LHPP: variants seen among roughly 807,000 people sequenced by gnomAD.
LHPP encodes hLHPP.
In LHPP, 24 loss-of-function variants were observed where a neutral mutation model predicts 30.3. The ratio of observed to expected loss-of-function variants is 0.79; its 90% CI spans 0.57 to 1.11. The LOEUF (loss-of-function observed/expected upper bound fraction) is 1.11. Among genes scored for constraint, LHPP ranks in the 50% most tolerant of loss-of-function variants. The probability of loss-of-function intolerance (pLI) is 0.00; values close to 1 mark genes in which losing one functional copy is unlikely to be tolerated. For missense variants in LHPP, 356 were observed against 367.2 expected, an observed-to-expected ratio of 0.97 and a Z score of 0.25; for synonymous variants, 150 against 157.1, an observed-to-expected ratio of 0.95 and a Z score of 0.34.
intron 6 of LHPP, among the ~76,000 whole-genome samples, chr10:124,545,610 C>T (rs1955315701): frequency 6.6e-6 from 1 of 152,014 alleles, no homozygotes; most frequent in Non-Finnish European, 1.5e-5. Context: ...AAGGGCCGAG[C>T]TCCACGTGGG....
chr10:124,586,422 C>A (rs1948804372), intron 6 of LHPP, among the ~76,000 whole-genome samples: 1 of 152,208 alleles, frequency 6.6e-6, no homozygotes, highest in South Asian at 2.1e-4. Flanking sequence ...AACATGTGAT[C>A]CAGCATGGAC....
intron 6 of LHPP, among the ~76,000 whole-genome samples, chr10:124,537,582 G>A (rs952901405): frequency 1.3e-5 from 2 of 152,242 alleles, no homozygotes; most frequent in African/African-American, 4.8e-5. Context: ...AGTCCCACAA[G>A]ATGGTGTCTG....
At chr10:124,580,177 A>C (rs1002320213) in intron 6 of LHPP, among the ~76,000 whole-genome samples, 1 of 152,200 alleles carries the variant, frequency 6.6e-6, no homozygotes, top group Admixed American at 6.5e-5. Flanking sequence ...TGTCAGTTAT[A>C]TGTGGTGCAC....
intron 6 of LHPP, among the ~76,000 whole-genome samples, chr10:124,612,505 A>G (rs1949215375): frequency 6.6e-6 from 1 of 152,080 alleles, no homozygotes; most frequent in Non-Finnish European, 1.5e-5. Context: ...GTCTACCCGT[A>G]GCTCCTGCCT....
intron 1 of LHPP, among the ~76,000 whole-genome samples, chr10:124,462,981 C>T (rs1262323575): frequency 2.6e-5 from 4 of 152,198 alleles, no homozygotes; most frequent in African/African-American, 9.7e-5. Flanking sequence ...GATTCTCCTG[C>T]CTCAGCCTCC....
At chr10:124,544,101 C>G (rs1955271297) in intron 6 of LHPP, among the ~76,000 whole-genome samples, 1 of 152,220 alleles carries the variant, frequency 6.6e-6, no homozygotes, top group Admixed American at 6.5e-5. Flanking sequence ...CCTGCGAGGC[C>G]CCTCGGATGG....
At chr10:124,469,848 G>A (rs1332342590) in intron 1 of LHPP, among the ~76,000 whole-genome samples, 1 of 152,152 alleles carries the variant, frequency 6.6e-6, no homozygotes, top group African/African-American at 2.4e-5. Context: ...GTGAGGTGGG[G>A]AGCCCTGGGC....
intron 5 of LHPP, among the ~76,000 whole-genome samples, chr10:124,506,914 TGGGGGGTAGACAGGATTTCAGG>T (rs1954106457): frequency 1.9e-4 from 1 of 5,324 alleles, no homozygotes; most frequent in African/African-American, 9.1e-4. Context: ...GATTTCAGGT[TGGGGGGTAGACAGGATTTCAGG>T]TGGGGGGGTA....
chr10:124,485,098 C>T (rs1044591082), intron 2 of LHPP, among the ~76,000 whole-genome samples: 1 of 152,064 alleles, frequency 6.6e-6, no homozygotes, highest in Non-Finnish European at 1.5e-5. Context: ...AAGGTGGGGG[C>T]TCTCAAGAAG....
At chr10:124,550,761 T>C (rs921649666) in intron 6 of LHPP, among the ~76,000 whole-genome samples, 11 of 152,170 alleles carry the variant, frequency 7.2e-5, no homozygotes, top group Non-Finnish European at 1.3e-4. Context: ...GAATGCCAGC[T>C]GGGGGCAGGG....
intron 3 of LHPP, chr10:124,490,270 G>A (rs113411617): frequency 0.027 from 5,318 of 194,648 alleles, 296 homozygotes; most frequent in African/African-American, 0.12. Context: ...CCTTTAGGCC[G>A]CAGCCTGCCA....
rs1259990268 is a variant in LHPP at position 124,613,408 on chromosome 10, C to CCCG, written c.*50_*51insGCC. ...CTCCTCCACCCCTGCCTCTCCTCCA[C>CCCG]CCCTGCCTCCCCTCCACCCCTGCCT... On this transcript the variant is annotated 3_prime_UTR_variant, in exon 7 of 7. Coordinates refer to ENST00000368842, the MANE Select transcript of LHPP (RefSeq NM_022126.4). The CCCG allele has an allele frequency of 2.3e-6, 3 of 1,323,358 alleles. No individual in the cohort carries two copies. The South Asian group carries it at 3.6e-5, about 16-fold the overall frequency. The allele number at this position is 1,323,358 out of a possible 1,614,324, so 82.0% of individuals were successfully genotyped here. A position where few individuals can be genotyped will look rare whatever the true frequency, so the allele number is the denominator to read the frequency against.
intron 6 of LHPP, among the ~76,000 whole-genome samples, chr10:124,611,859 A>G (rs1405516783): frequency 3.3e-5 from 5 of 152,204 alleles, no homozygotes; most frequent in Non-Finnish European, 7.3e-5. Flanking sequence ...CAGCTTCCAA[A>G]GTGGGGGCGC....
intron 6 of LHPP, among the ~76,000 whole-genome samples, chr10:124,548,347 C>T (rs978932440): frequency 2.0e-4 from 31 of 152,302 alleles, no homozygotes; most frequent in Non-Finnish European, 2.9e-4. Flanking sequence ...TCTTTCTACC[C>T]GGAACCCCCT....
Position 124,506,380 on chromosome 10 carries a change from G to A in LHPP, c.624+8252G>A, listed in dbSNP as rs570541946. Among the ~76,000 whole-genome samples the A allele has an allele frequency of 4.6e-5, 7 of 150,936 alleles. No homozygotes were observed. In the South Asian group the frequency reaches 6.3e-4, roughly 14 times the overall value. On this transcript the variant is annotated intron_variant, in intron 5 of 6. Transcript: ENST00000368842. ...GGTGCTAAACAGCATCCCACTGTCC[G>A]CCCACTACATGGGACCACCCCCTTC...
At chr10:124,555,512 C>A (rs1251304251) in intron 6 of LHPP, among the ~76,000 whole-genome samples, 1 of 151,720 alleles carries the variant, frequency 6.6e-6, no homozygotes, top group Non-Finnish European at 1.5e-5. Flanking sequence ...CCCGTCTGAT[C>A]TCCCTGGACC....
At chr10:124,513,723 T>C (rs1954375896) in intron 5 of LHPP, among the ~76,000 whole-genome samples, 1 of 151,470 alleles carries the variant, frequency 6.6e-6, no homozygotes, top group Non-Finnish European at 1.5e-5. Context: ...CCCAAAGTGC[T>C]GGGATTATAG....
chr10:124,607,102 G>A (rs7911304), intron 6 of LHPP, among the ~76,000 whole-genome samples: 140,821 of 152,228 alleles, frequency 0.93, 65,327 homozygotes, highest in East Asian at 1. Context: ...GGGCCACTCC[G>A]GGCAGGATGG....
intron 6 of LHPP, among the ~76,000 whole-genome samples, chr10:124,607,693 G>A (rs977653232): frequency 1.1e-4 from 16 of 152,122 alleles, no homozygotes; most frequent in South Asian, 1.0e-3. Context: ...CCAGTCCCCC[G>A]GGGGCTCGGA....
Sources: gnomAD v4.1 joint callset for allele counts (sites outside exome capture counted in the v4.1 genomes callset) on GRCh38, gnomAD v4.1.1 for gene constraint, MANE v1.5 for transcripts, NCBI Gene and HGNC (gene_info 2026-07-23, HGNC 2026-07-21) for gene names.